Variants in TYR observed in about 807,000 individuals in gnomAD.
The protein encoded by TYR is LB24-AB.
In TYR, 58 loss-of-function variants were observed where a neutral mutation model predicts 51.5. The ratio of observed to expected loss-of-function variants is 1.13; its 90% CI spans 0.91 to 1.40. The LOEUF (loss-of-function observed/expected upper bound fraction) is 1.40, where lower values mean the gene tolerates loss of function less well. TYR is among the 40% of genes most tolerant of loss of function. The pLI is 0.00. For synonymous variants in TYR, 263 were observed against 235.2 expected, an observed-to-expected ratio of 1.12 and a Z score of -1.08; for missense variants, 732 against 647.4, an observed-to-expected ratio of 1.13 and a Z score of -1.42.
chr11:89,224,950 T>C (rs1175380608), intron 2 of TYR, among the ~76,000 whole-genome samples: 1 of 152,048 alleles, frequency 6.6e-6, no homozygotes, highest in Non-Finnish European at 1.5e-5. Flanking sequence ...TGCTGGATTG[T>C]ATCATTATTA....
chr11:89,279,873 G>A (rs1051175961), intron 3 of TYR, among the ~76,000 whole-genome samples: 1 of 151,680 alleles, frequency 6.6e-6, no homozygotes, highest in African/African-American at 2.4e-5. Context: ...TGAGTGGGGA[G>A]TTATATATAG....
At chr11:89,248,146 C>G (rs1944289138) in intron 3 of TYR, among the ~76,000 whole-genome samples, 1 of 152,066 alleles carries the variant, frequency 6.6e-6, no homozygotes, top group African/African-American at 2.4e-5. Flanking sequence ...TCTAAAGTTA[C>G]AGCTTTGATT....
At chr11:89,279,341 A>G (rs1772035697) in intron 3 of TYR, among the ~76,000 whole-genome samples, 1 of 151,722 alleles carries the variant, frequency 6.6e-6, no homozygotes, top group Non-Finnish European at 1.5e-5. Flanking sequence ...ATTATTTGAT[A>G]GTAGGTCATA....
intron 3 of TYR, among the ~76,000 whole-genome samples, chr11:89,284,531 A>T (rs1164096496): frequency 6.6e-6 from 1 of 151,852 alleles, no homozygotes; most frequent in Non-Finnish European, 1.5e-5. Context: ...TGTAAGTTTT[A>T]TTCACCTGCT....
intron 3 of TYR, among the ~76,000 whole-genome samples, chr11:89,243,876 A>G (rs930723033): frequency 6.6e-5 from 10 of 152,148 alleles, no homozygotes; most frequent in African/African-American, 2.4e-4. Flanking sequence ...TTATTATTAA[A>G]TAAGGAAGGT....
At chr11:89,208,874 T>C (rs1943710979) in intron 2 of TYR, among the ~76,000 whole-genome samples, 1 of 152,230 alleles carries the variant, frequency 6.6e-6, no homozygotes, top group South Asian at 2.1e-4. Context: ...ATCAATCAAT[T>C]TTTATGGCCA....
intron 3 of TYR, among the ~76,000 whole-genome samples, chr11:89,258,965 C>T (rs900273466): frequency 2.4e-4 from 36 of 152,112 alleles, no homozygotes; most frequent in African/African-American, 5.8e-4. Flanking sequence ...TCATACCTAC[C>T]GGAATAGGTA....
At chr11:89,206,858 A>T (rs1336689231) in intron 2 of TYR, among the ~76,000 whole-genome samples, 1 of 152,132 alleles carries the variant, frequency 6.6e-6, no homozygotes, top group Non-Finnish European at 1.5e-5. Flanking sequence ...GAAACTAAAC[A>T]AAGCACTTCT....
chr11:89,203,409 G>A (rs1943625782), intron 2 of TYR, among the ~76,000 whole-genome samples: 1 of 152,176 alleles, frequency 6.6e-6, no homozygotes, highest in Non-Finnish European at 1.5e-5. Context: ...TCTGCTCAGA[G>A]TAGGTATCTA....
chr11:89,272,970 G>A (rs976770109), intron 3 of TYR, among the ~76,000 whole-genome samples: 1 of 151,918 alleles, frequency 6.6e-6, no homozygotes, highest in African/African-American at 2.4e-5. Flanking sequence ...TAGCTTAAGG[G>A]AAGTTTGTAG....
At chr11:89,283,910 GT>G (rs1360189979) in intron 3 of TYR, 1 of 151,774 alleles carries the variant, frequency 6.6e-6, no homozygotes, top group Non-Finnish European at 1.5e-5. Flanking sequence ...AGGCTACTGA[GT>G]AGCTCACAAA....
rs1944053540 is a variant in TYR, at chr11:89,231,754, TG to T, written c.1184+3787del. Among the ~76,000 whole-genome samples, 2 of 141,796 alleles carry T rather than the reference TG, an allele frequency of 1.4e-5. 1 individual carries two copies. Among genetic ancestry groups the T allele is most frequent in the South Asian group, 4.7e-4 (2 of 4,290 alleles). 93.0% of individuals were successfully genotyped at this position (141,796 alleles called of 152,430 possible). On this transcript the variant is annotated intron_variant, in intron 3 of 4. Transcript: ENST00000263321. Reference sequence around the variant, plus strand: ...CTCATAGCACTTTGGGAGGCTGGGATGGGTGGATTGCCTGAGCTCAGGAGTT... The same window carrying T: ...CTCATAGCACTTTGGGAGGCTGGGATGGTGGATTGCCTGAGCTCAGGAGTT...
chr11:89,223,764 G>T (rs1252724614), intron 2 of TYR, among the ~76,000 whole-genome samples: 1 of 152,062 alleles, frequency 6.6e-6, no homozygotes, highest in African/African-American at 2.4e-5. Flanking sequence ...ATTTAAAATT[G>T]TTACTATAAT....
At chr11:89,187,190 T>A (rs1022707269) in intron 1 of TYR, among the ~76,000 whole-genome samples, 9 of 152,084 alleles carry the variant, frequency 5.9e-5, no homozygotes, top group African/African-American at 2.2e-4. Flanking sequence ...AAAGTGAATA[T>A]TGATTTCCCT....
chr11:89,231,470 G>C (rs2135284624), intron 3 of TYR, among the ~76,000 whole-genome samples: 1 of 142,936 alleles, frequency 7.0e-6, no homozygotes, highest in Admixed American at 6.9e-5. Flanking sequence ...CATAAAAAAG[G>C]AAAACCCTCT....
intron 3 of TYR, among the ~76,000 whole-genome samples, chr11:89,259,729 C>G (rs1944435283): frequency 6.6e-6 from 1 of 152,090 alleles, no homozygotes; most frequent in Admixed American, 6.6e-5. Flanking sequence ...GACCCCACAT[C>G]TTTCCTTCCA....
intron 1 of TYR, among the ~76,000 whole-genome samples, chr11:89,182,269 A>G (rs1445595662): frequency 2.0e-5 from 3 of 152,218 alleles, no homozygotes; most frequent in Non-Finnish European, 4.4e-5. Context: ...TGAATTTAAC[A>G]TCAAAGAAAC....
intron 2 of TYR, among the ~76,000 whole-genome samples, chr11:89,195,805 C>T (rs1363678840): frequency 6.6e-6 from 1 of 152,132 alleles, no homozygotes; most frequent in Non-Finnish European, 1.5e-5. Flanking sequence ...TCAGTTGTCA[C>T]ATTAAAACAG....
chr11:89,202,622 T>TACAC lies in TYR; in HGVS notation c.1036+11229_1036+11232dup, dbSNP rs10526067. Among the ~76,000 whole-genome samples the TACAC allele has an allele frequency of 8.5e-3, 1,196 of 141,356 alleles. 11 individuals are homozygous for TACAC. Among genetic ancestry groups the TACAC allele is most frequent in the African/African-American group, 0.012 (448 of 36,958 alleles). The allele number at this position is 141,356 out of a possible 152,430, so 92.7% of individuals were successfully genotyped here. On this transcript the variant is annotated intron_variant, in intron 2 of 4. Coordinates refer to ENST00000263321, the MANE Select transcript of TYR (RefSeq NM_000372.5). Reference sequence around the variant, plus strand: ...CCAAAACTAGAATATATTTTCATAATACACACACACACACACACACACACA... The same window carrying TACAC: ...CCAAAACTAGAATATATTTTCATAATACACACACACACACACACACACACACACA...
Sources: allele counts gnomAD v4.1 joint callset (sites outside exome capture counted in the v4.1 genomes callset), GRCh38; gene constraint gnomAD v4.1.1; transcripts MANE v1.5; gene names NCBI Gene and HGNC (gene_info 2026-07-23, HGNC 2026-07-21).